PKP4: variants seen among roughly 807,000 people sequenced by gnomAD.
PKP4 encodes the protein plakophilin 4.
Under a neutral mutation model 145.1 loss-of-function variants are expected in PKP4, and 90 were observed. The ratio of observed to expected loss-of-function variants is 0.62; its 90% CI spans 0.52 to 0.74. The LOEUF is 0.74. PKP4 is among the 30% of genes least tolerant of loss of function. PKP4 has a pLI of 0.00. For missense variants in PKP4, 1,340 were observed against 1,482.7 expected, an observed-to-expected ratio of 0.90 and a Z score of 1.58; for synonymous variants, 563 against 577.2, an observed-to-expected ratio of 0.98 and a Z score of 0.35.
intron 12 of PKP4, chr2:158,658,527 G>A (rs1399315422): frequency 2.2e-6 from 1 of 445,102 alleles, no homozygotes; most frequent in Non-Finnish European, 3.9e-6. Flanking sequence ...TGACTCTTCT[G>A]TGACTTACTC....
chr2:158,668,991 G>T (rs556205838), intron 16 of PKP4, among the ~76,000 whole-genome samples: 1 of 152,198 alleles, frequency 6.6e-6, no homozygotes, highest in South Asian at 2.1e-4. Flanking sequence ...TTTTTGGAGA[G>T]GAATAAGAAA....
chr2:158,631,922 G>A lies in PKP4; in HGVS notation c.1323G>A (p.Ala441=), dbSNP rs142969994. 2.9e-4 allele frequency: 472 copies of A among 1,613,822 alleles called. No homozygotes were observed. The African/African-American group carries it at 5.4e-3, about 19-fold the overall frequency. The change falls in exon 8 of 22, where the codon GCG becomes GCA. Residue 441 remains alanine, a synonymous_variant. Transcript: ENST00000389759. ...TGGAGCTCCAAGGATCGCAGACGGC[G>A]TTGTATCGCACAGGTTCAGGTGGGC... ...GTVELQGSQT[A]LYRTGSVGIG...
intron 7 of PKP4, among the ~76,000 whole-genome samples, chr2:158,629,643 A>G (rs539564639): frequency 6.6e-6 from 1 of 152,266 alleles, no homozygotes; most frequent in South Asian, 2.1e-4. Context: ...ACCAACATGT[A>G]ATTAGCACTC....
intron 1 of PKP4, among the ~76,000 whole-genome samples, chr2:158,486,552 G>C (rs181666867): frequency 6.6e-6 from 1 of 152,348 alleles, no homozygotes; most frequent in Non-Finnish European, 1.5e-5. Context: ...TAAGAATGTG[G>C]AAGGTAATGT....
At position 158,631,863 on chromosome 2, in the gene PKP4, A is replaced by G; in HGVS notation, c.1264A>G (p.Ser422Gly). The part of the protein sequence containing the change: ...TPIYEGRTYY[S>G]PVYRSPNHGT... ...TATATATGAGGGGAGGACCTATTAC[A>G]GCCCAGTGTACCGCAGCCCAAACCA... The change falls in exon 8 of 22, where the codon AGC becomes GGC. Residue 422 changes from serine (S) to glycine (G), a missense_variant. Physicochemically the swap from Ser to Gly is moderately conservative, Grantham distance 56 (BLOSUM62 0). Transcript: ENST00000389759. 1 of 1,614,190 alleles carries G rather than the reference A, an allele frequency of 6.2e-7. No individual in the cohort carries two copies. Among genetic ancestry groups the G allele is most frequent in the South Asian group, 1.1e-5 (1 of 91,086 alleles).
chr2:158,555,471 G>A (rs1014362967), intron 2 of PKP4, among the ~76,000 whole-genome samples: 2 of 152,212 alleles, frequency 1.3e-5, no homozygotes, highest in African/African-American at 4.8e-5. Flanking sequence ...CCACTGGATA[G>A]CTCTATTAGC....
intron 4 of PKP4, among the ~76,000 whole-genome samples, chr2:158,607,411 T>C (rs1193285583): frequency 6.6e-6 from 1 of 152,020 alleles, no homozygotes; most frequent in Non-Finnish European, 1.5e-5. Context: ...ATACAGAAAA[T>C]GTAGTTACGA....
chr2:158,646,941 C>G (rs898168660), intron 11 of PKP4, among the ~76,000 whole-genome samples: 1 of 152,034 alleles, frequency 6.6e-6, no homozygotes, highest in African/African-American at 2.4e-5. Flanking sequence ...AAATACAGAC[C>G]CTCAGGAGGT....
intron 1 of PKP4, among the ~76,000 whole-genome samples, chr2:158,498,820 T>G (rs1474624676): frequency 1.3e-4 from 19 of 151,972 alleles, no homozygotes; most frequent in Admixed American, 7.9e-4. Context: ...GAGTGTTTTT[T>G]TTTTTTTTTT....
At chr2:158,557,452 C>A (rs1200949233) in intron 2 of PKP4, among the ~76,000 whole-genome samples, 4 of 152,118 alleles carry the variant, frequency 2.6e-5, no homozygotes, top group Admixed American at 2.6e-4. Flanking sequence ...TATATACATG[C>A]AAGGTTTCTG....
chr2:158,613,398 G>A (rs1038971350), intron 4 of PKP4, among the ~76,000 whole-genome samples: 5 of 152,164 alleles, frequency 3.3e-5, no homozygotes, highest in Admixed American at 2.0e-4. Flanking sequence ...AAAATCACTA[G>A]TTTGCAAGCC....
At chr2:158,468,300 C>G (rs1690975708) in intron 1 of PKP4, among the ~76,000 whole-genome samples, 1 of 152,152 alleles carries the variant, frequency 6.6e-6, no homozygotes, top group African/African-American at 2.4e-5. Flanking sequence ...ATTACAAAAA[C>G]TTGTCTATAA....
chr2:158,528,800 T>G (rs2043230617), intron 1 of PKP4, among the ~76,000 whole-genome samples: 2 of 152,022 alleles, frequency 1.3e-5, no homozygotes, highest in Non-Finnish European at 2.9e-5. Flanking sequence ...GAGCTTTGTA[T>G]AGCCAAAGAG....
At chr2:158,630,144 T>A (rs986744898) in intron 7 of PKP4, among the ~76,000 whole-genome samples, 2 of 152,236 alleles carry the variant, frequency 1.3e-5, no homozygotes. Flanking sequence ...ATTTGGGATA[T>A]ACCCTTAATT....
In PKP4 at chr2:158,673,750, A is replaced by T; in HGVS notation, c.2998A>T (p.Ile1000Phe). 1 of 1,610,966 alleles carries T rather than the reference A, an allele frequency of 6.2e-7. No individual in the cohort carries two copies. The highest frequency in any genetic ancestry group is 8.5e-7 in the Non-Finnish European group (1 of 1,177,076). Reference sequence around the variant, plus strand: ...ATGGCAATATCGGGACCTCCGGAGCATTTATAAAAAGGTAACCTACAAGAA... The same window carrying T: ...ATGGCAATATCGGGACCTCCGGAGCTTTTATAAAAAGGTAACCTACAAGAA... ...TLWQYRDLRS[I>F]YKKDGWNQNH... The change falls in exon 18 of 22, where the codon ATT becomes TTT. Residue 1000 changes from isoleucine (I) to phenylalanine (F), a missense_variant. Transcript: ENST00000389759.
chr2:158,675,611 C>T (rs2057939502), intron 19 of PKP4, among the ~76,000 whole-genome samples: 1 of 152,188 alleles, frequency 6.6e-6, no homozygotes, highest in Non-Finnish European at 1.5e-5. Context: ...GATAATGCAT[C>T]CCTTCACACT....
intron 4 of PKP4, among the ~76,000 whole-genome samples, chr2:158,608,186 C>T (rs937181270): frequency 2.6e-5 from 4 of 152,158 alleles, no homozygotes; most frequent in Non-Finnish European, 4.4e-5. Context: ...TATACCTTCA[C>T]TGTACCCACA....
intron 17 of PKP4, among the ~76,000 whole-genome samples, chr2:158,670,484 A>T (rs1013336849): frequency 6.6e-6 from 1 of 152,166 alleles, no homozygotes; most frequent in Non-Finnish European, 1.5e-5. Flanking sequence ...ATTTCAACAT[A>T]TGAACTTTGG....
chr2:158,626,163 A>G lies in PKP4; in HGVS notation c.1153+736A>G, dbSNP rs1005772554. Among the ~76,000 whole-genome samples the G allele has an allele frequency of 4.2e-4, 64 of 152,250 alleles. 1 individual carries two copies. Among genetic ancestry groups the G allele is most frequent in the Non-Finnish European group, 2.9e-5 (2 of 68,036 alleles). On this transcript the variant is annotated intron_variant, in intron 7 of 21. Transcript: ENST00000389759. ...AACTATATGGGAAAATATTGAAATA[A>G]GTGAAAGCCTTTTACCCTCACCCAG...
Sources: gnomAD v4.1 joint callset for allele counts (sites outside exome capture counted in the v4.1 genomes callset) on GRCh38, gnomAD v4.1.1 for gene constraint, MANE v1.5 for transcripts, NCBI Gene and HGNC (gene_info 2026-07-23, HGNC 2026-07-21) for gene names.